NOP14: variants seen among roughly 807,000 people sequenced by gnomAD.
The protein encoded by NOP14 is nucleolar protein 14.
A neutral mutation model predicts 101.6 loss-of-function variants in NOP14; 57 were observed. The ratio of observed to expected loss-of-function variants is 0.56; its 90% confidence interval spans 0.45 to 0.70. The LOEUF (loss-of-function observed/expected upper bound fraction) is 0.70, where lower values mean the gene tolerates loss of function less well. Among genes scored for constraint, NOP14 ranks in the 30% least tolerant of loss-of-function variants. NOP14 has a pLI of 0.00. For synonymous variants in NOP14, 428 were observed against 424.0 expected, an observed-to-expected ratio of 1.01 and a Z score of -0.12; for missense variants, 1,134 against 1,075.5, an observed-to-expected ratio of 1.05 and a Z score of -0.76.
rs1004370817 is a variant in NOP14, at chr4:2,938,551, G to A, written c.*280C>T. The A allele has an allele frequency of 2.6e-5, 12 of 457,708 alleles. No individual in the cohort carries two copies. The highest frequency in any genetic ancestry group is 4.0e-5 in the African/African-American group (2 of 50,538). The allele number at this position is 457,708 out of a possible 1,614,324, so 28.4% of individuals were successfully genotyped here. ...AGCGACACAGTCTTGCACTGTGGCC[G>A]AGGCTGGAGTGCAGTGGCTCAATCA... On this transcript the variant is annotated 3_prime_UTR_variant, in exon 18 of 18. Coordinates refer to ENST00000416614, the MANE Select transcript of NOP14 (RefSeq NM_001291978.2).
intron 1 of NOP14, among the ~76,000 whole-genome samples, chr4:2,962,760 A>G (rs1197638267): frequency 6.6e-6 from 1 of 152,130 alleles, no homozygotes; most frequent in African/African-American, 2.4e-5. Flanking sequence ...CCGATGAAAC[A>G]TCAAACGCAG....
At position 2,938,096 on chromosome 4, in the gene NOP14, A is replaced by G; in HGVS notation, c.*735T>C. On this transcript the variant is annotated 3_prime_UTR_variant, in exon 18 of 18. Coordinates refer to ENST00000416614, the MANE Select transcript of NOP14 (RefSeq NM_001291978.2). The stretch of plus-strand genomic sequence containing the variant: ...AGTCGCAGCTGATAACACACAGACC[A>G]TTCCCGATCCCAGAGGTGCATTTCA... 1 of 896,038 alleles carries G rather than the reference A, an allele frequency of 1.1e-6. No individual in the cohort carries two copies. 55.5% of individuals were successfully genotyped at this position (896,038 alleles called of 1,614,324 possible).
At chr4:2,954,603 C>T (rs772466301) in intron 3 of NOP14, 40 bp from the exon 4 acceptor site, 2 of 1,604,400 alleles carry the variant, frequency 1.2e-6, no homozygotes, top group African/African-American at 2.7e-5. Flanking sequence ...TGAAGCCCAG[C>T]CCTGGCGTGG....
At chr4:2,942,840 A>G (rs544538530) in intron 13 of NOP14, among the ~76,000 whole-genome samples, 16 of 115,638 alleles carry the variant, frequency 1.4e-4, no homozygotes, top group South Asian at 9.0e-4. Flanking sequence ...AAAGGCCTGT[A>G]GGACGCAGGA....
chr4:2,943,796 G>A (rs948338473), intron 13 of NOP14, among the ~76,000 whole-genome samples: 3 of 152,204 alleles, frequency 2.0e-5, no homozygotes, highest in African/African-American at 4.8e-5. Flanking sequence ...CTGACACTAA[G>A]TCTTCGCCAC....
chr4:2,954,305 C>T lies in NOP14; in HGVS notation c.612+119G>A, dbSNP rs1001377242. On this transcript the variant is annotated intron_variant, in intron 4 of 17. Coordinates refer to ENST00000416614, the MANE Select transcript of NOP14 (RefSeq NM_001291978.2). ...TTCCTACTCACAATAAATGCTTTTA[C>T]TGAACTCATATAAAATATTAAACAC... 4 of 1,145,148 alleles carry T rather than the reference C, an allele frequency of 3.5e-6. No individual in the cohort carries two copies. The African/African-American group carries it at 4.7e-5, about 13-fold the overall frequency. The allele number at this position is 1,145,148 out of a possible 1,614,324, so 70.9% of individuals were successfully genotyped here. A position where few individuals can be genotyped will look rare whatever the true frequency, so the allele number is the denominator to read the frequency against.
In NOP14 at chr4:2,956,720, T is replaced by A; in HGVS notation, c.422A>T (p.Asn141Ile). ...ATCGCTGTCACTGTCCACAATGTCATTATGCTTCTCGATGTCTGCCAAAGA... is the reference window on the plus strand; with the variant it reads ...ATCGCTGTCACTGTCCACAATGTCAATATGCTTCTCGATGTCTGCCAAAGA... ...GQSLADIEKH[N>I]DIVDSDSDAE... The change falls in exon 3 of 18, where the codon AAT becomes ATT. Residue 141 changes from asparagine (N) to isoleucine (I), a missense_variant. Asn to Ile is a moderately radical substitution (Grantham distance 149, BLOSUM62 -3). Coordinates refer to ENST00000416614, the MANE Select transcript of NOP14 (RefSeq NM_001291978.2). 1.2e-6 allele frequency: 2 copies of A among 1,613,770 alleles called. No homozygotes were observed. Among genetic ancestry groups the A allele is most frequent in the South Asian group, 2.2e-5 (2 of 90,980 alleles).
intron 15 of NOP14, 123 bp downstream of exon 15, chr4:2,941,459 A>T (rs991495012): frequency 5.7e-5 from 50 of 870,824 alleles, no homozygotes; most frequent in Middle Eastern, 3.5e-4. Flanking sequence ...CATATTTGTG[A>T]TTTTGCAAAG....
intron 7 of NOP14, 118 bp from the exon 8 acceptor site, chr4:2,950,331 C>T (rs1172715450): frequency 2.7e-6 from 3 of 1,100,458 alleles, no homozygotes; most frequent in Non-Finnish European, 4.0e-6. Context: ...GCAAGGAACA[C>T]AAACCTGTGT....
At chr4:2,957,213 G>C (rs1272604580) in intron 2 of NOP14, among the ~76,000 whole-genome samples, 8 of 152,032 alleles carry the variant, frequency 5.3e-5, no homozygotes, top group Admixed American at 3.9e-4. Context: ...CGTTGGCCAG[G>C]ATGGTCTCGA....
At chr4:2,941,848 C>A in intron 14 of NOP14, 119 bp from the exon 15 acceptor site, 1 of 1,220,974 alleles carries the variant, frequency 8.2e-7, no homozygotes, top group Non-Finnish European at 1.1e-6. Context: ...AGTGTGGCCA[C>A]CTTGGCCGGC....
intron 1 of NOP14, among the ~76,000 whole-genome samples, chr4:2,959,315 G>A (rs577578456): frequency 1.4e-4 from 21 of 152,322 alleles, no homozygotes; most frequent in Non-Finnish European, 2.4e-4. Flanking sequence ...CTTTGGGGCC[G>A]GGCGCGGTGG....
In NOP14 at chr4:2,948,406, G is replaced by C. The variant is rs1254928873; in HGVS notation, c.1285C>G (p.Pro429Ala). 9 of 1,606,168 alleles carry C rather than the reference G, an allele frequency of 5.6e-6. No individual in the cohort carries two copies. The highest frequency in any genetic ancestry group is 7.6e-6 in the Non-Finnish European group (9 of 1,177,610). ...RDELPYTFAA[P>A]ESYEELRSLL... Reference sequence around the variant, plus strand: ...GATCTCAGTTCCTCATAGGATTCAGGGGCTATCAAAAACACAAAACATACT... The same window carrying C: ...GATCTCAGTTCCTCATAGGATTCAGCGGCTATCAAAAACACAAAACATACT... The change falls in exon 9 of 18, where the codon CCT (proline) becomes GCT (alanine). Residue 429 changes from proline (P) to alanine (A), a missense_variant and splice_region_variant. By Grantham distance (27) the Pro-to-Ala change is conservative. Coordinates refer to ENST00000416614, the MANE Select transcript of NOP14 (RefSeq NM_001291978.2).
intron 1 of NOP14, among the ~76,000 whole-genome samples, chr4:2,958,845 A>G (rs760570361): frequency 1.3e-5 from 2 of 152,194 alleles, no homozygotes; most frequent in African/African-American, 2.4e-5. Flanking sequence ...AAGGCTAAGA[A>G]ACCCAGATTT....
chr4:2,944,349 C>T, intron 12 of NOP14, 123 bp from the exon 13 acceptor site: 5 of 726,298 alleles, frequency 6.9e-6, no homozygotes, highest in Admixed American at 2.8e-5. Context: ...AGGGAACCCC[C>T]GCACCTTATA....
In NOP14 at chr4:2,950,062, T is replaced by C; in HGVS notation, c.1154A>G (p.Asn385Ser). 6.2e-7 allele frequency: 1 copy of C among 1,614,156 alleles called. No homozygotes were observed. Among genetic ancestry groups the C allele is most frequent in the South Asian group, 1.1e-5 (1 of 91,080 alleles). ...CTCGTTTTCTTCCTCACTCTCCACG[T>C]TGGATTCCAGGTCCAAGTGGCTATC... ...SPDSHLDLES[N>S]VESEEENEKP... The change falls in exon 8 of 18, where the codon AAC (asparagine) becomes AGC (serine). Residue 385 changes from asparagine (N) to serine (S), a missense_variant. Physicochemically the swap from Asn to Ser is conservative, Grantham distance 46. Coordinates refer to ENST00000416614, the MANE Select transcript of NOP14 (RefSeq NM_001291978.2).
chr4:2,944,314 A>C (rs1714447442), intron 12 of NOP14, 88 bp from the exon 13 acceptor site: 1 of 1,234,936 alleles, frequency 8.1e-7, no homozygotes, highest in Non-Finnish European at 1.1e-6. Flanking sequence ...TGAACCACGC[A>C]CCCCACTGAG....
chr4:2,940,496 C>G (rs916197970), intron 15 of NOP14: 3 of 151,986 alleles, frequency 2.0e-5, no homozygotes, highest in Non-Finnish European at 1.5e-5. Context: ...ATAAAAGGCA[C>G]AAGCCACAGC....
chr4:2,942,866 A>G (rs540101974), intron 13 of NOP14, among the ~76,000 whole-genome samples: 2 of 152,260 alleles, frequency 1.3e-5, no homozygotes, highest in Non-Finnish European at 2.9e-5. Context: ...TTCACTCGCC[A>G]CGGAGAAGGG....
Sources: gnomAD v4.1 joint callset for allele counts (sites outside exome capture counted in the v4.1 genomes callset) on GRCh38, gnomAD v4.1.1 for gene constraint, MANE v1.5 for transcripts, NCBI Gene and HGNC (gene_info 2026-07-23, HGNC 2026-07-21) for gene names.